CACNA2D3: variants seen among roughly 807,000 people sequenced by gnomAD.
CACNA2D3 encodes the protein voltage-dependent calcium channel subunit alpha-2/delta-3.
In CACNA2D3, 60 loss-of-function variants were observed where a neutral mutation model predicts 160.6. The observed-to-expected ratio is 0.37, with a 90% CI of 0.30 to 0.46. The LOEUF (loss-of-function observed/expected upper bound fraction) is 0.46, where lower values mean the gene tolerates loss of function less well. CACNA2D3 is among the 20% of genes least tolerant of loss of function. The pLI, the probability that CACNA2D3 is intolerant of heterozygous loss-of-function variation, is 1.00. For synonymous variants in CACNA2D3, 558 were observed against 492.9 expected (o/e 1.13, Z -1.75); for missense variants, 1,205 against 1,365.0 (o/e 0.88, Z 1.85).
In CACNA2D3 at chr3:54,554,868, C is replaced by G. The variant is rs919689088; in HGVS notation, c.545-7932C>G. Among the ~76,000 whole-genome samples, 3 of 88,172 alleles carry G rather than the reference C, an allele frequency of 3.4e-5. No individual in the cohort carries two copies. The East Asian group carries it at 9.6e-4, about 28-fold the overall frequency. The allele number at this position is 88,172 out of a possible 152,430, so 57.8% of individuals were successfully genotyped here. ...TATTTCTTTTCTTTTCTCTCTCACT[C>G]TCTTTTTTTTTTTTTTTTTTTTTGG... On this transcript the variant is annotated intron_variant, in intron 5 of 37. Coordinates refer to ENST00000474759, the MANE Select transcript of CACNA2D3 (RefSeq NM_018398.3).
chr3:54,872,801 C>G, intron 18 of CACNA2D3, among the ~76,000 whole-genome samples: 1 of 152,176 alleles, frequency 6.6e-6, no homozygotes, highest in East Asian at 1.9e-4. Context: ...GATAAAAGCT[C>G]CTTCCTCCTC....
At chr3:54,296,804 G>A (rs1156361701) in intron 2 of CACNA2D3, among the ~76,000 whole-genome samples, 2 of 152,308 alleles carry the variant, frequency 1.3e-5, no homozygotes, top group South Asian at 2.1e-4. Context: ...GACAAATTGT[G>A]TTGTGGGGAA....
rs554734931 is a variant in CACNA2D3 at position 54,380,227 on chromosome 3, T to C, written c.322-6488T>C. Among the ~76,000 whole-genome samples, 253 of 152,362 alleles carry C rather than the reference T, an allele frequency of 1.7e-3. 3 individuals are homozygous for C. In the Middle Eastern group the frequency reaches 0.02, roughly 12 times the overall value. The stretch of plus-strand genomic sequence containing the variant: ...TTCCTGGAAACATCTTTTGATGTGC[T>C]CAGTGCCCTTAATGAGGGTAGAGAT... On this transcript the variant is annotated intron_variant, in intron 3 of 37. Transcript: ENST00000474759.
intron 4 of CACNA2D3, among the ~76,000 whole-genome samples, chr3:54,445,138 C>G (rs1700201111): frequency 6.6e-6 from 1 of 152,218 alleles, no homozygotes; most frequent in Admixed American, 6.5e-5. Context: ...TGAGCCTCGG[C>G]TCAGGGATAT....
chr3:54,335,857 A>C (rs1294426703), intron 3 of CACNA2D3, among the ~76,000 whole-genome samples: 1 of 149,684 alleles, frequency 6.7e-6, no homozygotes, highest in African/African-American at 2.4e-5. Flanking sequence ...ACAAAAAATT[A>C]ACCAGCTGTG....
chr3:54,144,557 C>A (rs996655758), intron 2 of CACNA2D3, among the ~76,000 whole-genome samples: 1 of 152,342 alleles, frequency 6.6e-6, no homozygotes, highest in Non-Finnish European at 1.5e-5. Context: ...GGAGACCAGA[C>A]AGATTTGGTT....
chr3:54,450,470 C>A (rs1431741938), intron 4 of CACNA2D3, among the ~76,000 whole-genome samples: 2 of 152,010 alleles, frequency 1.3e-5, no homozygotes, highest in Admixed American at 6.5e-5. Flanking sequence ...AAATTTGATC[C>A]CCATTGTTGG....
chr3:54,414,569 G>A (rs1466221564), intron 4 of CACNA2D3, among the ~76,000 whole-genome samples: 1 of 151,990 alleles, frequency 6.6e-6, no homozygotes, highest in Non-Finnish European at 1.5e-5. Flanking sequence ...TGCCGCTTAT[G>A]TGTTTAGAAA....
At chr3:54,731,429 AGTT>A (rs926870273) in intron 11 of CACNA2D3, among the ~76,000 whole-genome samples, 8 of 152,174 alleles carry the variant, frequency 5.3e-5, no homozygotes, top group Admixed American at 3.9e-4. Flanking sequence ...GTACCCCAAA[AGTT>A]GTTGATGACC....
intron 2 of CACNA2D3, among the ~76,000 whole-genome samples, chr3:54,308,659 C>T (rs1703662639): frequency 6.6e-6 from 1 of 152,154 alleles, no homozygotes; most frequent in Admixed American, 6.5e-5. Context: ...AACTAATAAA[C>T]TCCTTGGTAG....
At chr3:54,703,373 G>A (rs373596398) in intron 11 of CACNA2D3, among the ~76,000 whole-genome samples, 2 of 152,216 alleles carry the variant, frequency 1.3e-5, no homozygotes, top group African/African-American at 4.8e-5. Context: ...GAATTTTACA[G>A]GCCTAATCCT....
chr3:55,008,465 G>GT (rs1466930742), intron 33 of CACNA2D3, among the ~76,000 whole-genome samples: 1 of 152,126 alleles, frequency 6.6e-6, no homozygotes, highest in African/African-American at 2.4e-5. Flanking sequence ...AAACAAGATT[G>GT]TTTAAGTTGT....
intron 11 of CACNA2D3, among the ~76,000 whole-genome samples, chr3:54,644,504 A>G (rs1317861805): frequency 6.6e-6 from 1 of 152,244 alleles, no homozygotes; most frequent in Non-Finnish European, 1.5e-5. Flanking sequence ...ATTGTGTTAA[A>G]GTGAGATGAT....
intron 5 of CACNA2D3, among the ~76,000 whole-genome samples, chr3:54,513,068 C>G (rs374174526): frequency 1.3e-5 from 2 of 152,050 alleles, no homozygotes; most frequent in South Asian, 4.2e-4. Context: ...TTTCCTCCCC[C>G]CAGGTCCCTC....
chr3:54,767,974 G>C (rs569323475), intron 13 of CACNA2D3, among the ~76,000 whole-genome samples: 59 of 152,304 alleles, frequency 3.9e-4, no homozygotes, highest in African/African-American at 1.3e-3. Flanking sequence ...TGCAGTGTAT[G>C]ATGGAGTGCT....
chr3:54,367,193 T>TC (rs1698841046), intron 3 of CACNA2D3, among the ~76,000 whole-genome samples: 1 of 100,320 alleles, frequency 1.0e-5, no homozygotes, highest in African/African-American at 3.2e-5. Flanking sequence ...TTCTTAGAGA[T>TC]TTTTTTTTAA....
intron 14 of CACNA2D3, among the ~76,000 whole-genome samples, chr3:54,823,932 G>A (rs1559596282): frequency 1.3e-5 from 2 of 152,142 alleles, no homozygotes; most frequent in East Asian, 3.8e-4. Flanking sequence ...TATATTTGTA[G>A]TAATGAACTA....
At chr3:54,479,570 C>G (rs1208120944) in intron 4 of CACNA2D3, among the ~76,000 whole-genome samples, 1 of 152,176 alleles carries the variant, frequency 6.6e-6, no homozygotes, top group Non-Finnish European at 1.5e-5. Flanking sequence ...TAAATTGCTA[C>G]TGAAAATGAT....
At chr3:54,779,128 CCTT>C (rs1477352038) in intron 13 of CACNA2D3, among the ~76,000 whole-genome samples, 2 of 151,924 alleles carry the variant, frequency 1.3e-5, no homozygotes, top group Non-Finnish European at 2.9e-5. Flanking sequence ...GACAGAGTCT[CCTT>C]CTGTTGCCCA....
Sources: gnomAD v4.1 joint callset for allele counts (sites outside exome capture counted in the v4.1 genomes callset) on GRCh38, gnomAD v4.1.1 for gene constraint, MANE v1.5 for transcripts, NCBI Gene and HGNC (gene_info 2026-07-23, HGNC 2026-07-21) for gene names.